SEMA3A: variants seen among roughly 807,000 people sequenced by gnomAD.
The protein encoded by SEMA3A is semaphorin-3A.
Under a neutral mutation model 97.9 loss-of-function variants are expected in SEMA3A, and 29 were observed. The observed-to-expected ratio is 0.30, with a 90% CI of 0.22 to 0.40. The LOEUF is 0.40. SEMA3A is among the 10% of genes least tolerant of loss of function. SEMA3A has a pLI of 1.00. For synonymous variants in SEMA3A, 321 were observed against 323.7 expected (o/e 0.99, Z 0.09); for missense variants, 763 against 951.3 (o/e 0.80, Z 2.60).
At chr7:84,152,536 C>T (rs1392965984) in intron 1 of SEMA3A, among the ~76,000 whole-genome samples, 1 of 114,782 alleles carries the variant, frequency 8.7e-6, no homozygotes, top group Non-Finnish European at 1.7e-5. Flanking sequence ...ACTCTGGGAA[C>T]TGTTGTGGGG....
In SEMA3A at chr7:84,087,863, AT is replaced by A. The variant is rs1198404684; in HGVS notation, c.453+22606del. Among the ~76,000 whole-genome samples, 3 of 151,974 alleles carry A rather than the reference AT, an allele frequency of 2.0e-5. No individual in the cohort carries two copies. In the East Asian group the frequency reaches 5.8e-4, roughly 29 times the overall value. On this transcript the variant is annotated intron_variant, in intron 4 of 16. Coordinates refer to ENST00000265362, the MANE Select transcript of SEMA3A (RefSeq NM_006080.3). The stretch of plus-strand genomic sequence containing the variant: ...TGTTGGCCTTCCTCTATGTTTTTGC[AT>A]TTTGTTTTACTCTTATTCCACTTTG...
intron 15 of SEMA3A, among the ~76,000 whole-genome samples, chr7:83,973,639 T>C (rs894411281): frequency 6.6e-6 from 1 of 152,144 alleles, no homozygotes; most frequent in African/African-American, 2.4e-5. Context: ...GATGGCATTG[T>C]CAAAGACATT....
intron 1 of SEMA3A, among the ~76,000 whole-genome samples, chr7:84,141,909 G>A (rs1163879082): frequency 3.3e-5 from 5 of 151,954 alleles, no homozygotes; most frequent in East Asian, 1.9e-4. Flanking sequence ...TATATGTACC[G>A]AATCAAAGAA....
chr7:84,108,071 A>C (rs118075746), intron 4 of SEMA3A, among the ~76,000 whole-genome samples: 6 of 152,258 alleles, frequency 3.9e-5, no homozygotes, highest in Admixed American at 6.5e-5. Flanking sequence ...CAAGGTATAG[A>C]CTTGCATTTT....
At chr7:84,055,446 G>A (rs932938878) in intron 5 of SEMA3A, among the ~76,000 whole-genome samples, 7 of 152,118 alleles carry the variant, frequency 4.6e-5, no homozygotes, top group Admixed American at 2.0e-4. Context: ...GGCAGTATTC[G>A]GGTGGGAGTG....
chr7:84,178,553 A>T (rs931022481), intron 1 of SEMA3A, among the ~76,000 whole-genome samples: 4 of 152,130 alleles, frequency 2.6e-5, no homozygotes, highest in African/African-American at 9.7e-5. Flanking sequence ...GTCAGACTTG[A>T]GCTCAAATCT....
Position 84,058,878 on chromosome 7 carries a change from C to T in SEMA3A, c.547+1587G>A, listed in dbSNP as rs1431188937. On this transcript the variant is annotated intron_variant, in intron 5 of 16. Transcript: ENST00000265362. ...ATATAAAACTAAAACTGTGGAGTTT[C>T]GTTTTCTTTGTGGACTTTGGGTGGT... Among the ~76,000 whole-genome samples, 6 of 152,078 alleles carry T rather than the reference C, an allele frequency of 3.9e-5. No individual in the cohort carries two copies. The East Asian group carries it at 5.8e-4, about 15-fold the overall frequency.
intron 6 of SEMA3A, among the ~76,000 whole-genome samples, chr7:84,025,755 T>C (rs1791522491): frequency 1.3e-5 from 2 of 152,164 alleles, no homozygotes; most frequent in Non-Finnish European, 2.9e-5. Context: ...ACCCTTTCCT[T>C]CTGTACTATC....
At chr7:84,091,007 C>T (rs139072934) in intron 4 of SEMA3A, among the ~76,000 whole-genome samples, 82 of 149,970 alleles carry the variant, frequency 5.5e-4, no homozygotes, top group African/African-American at 1.8e-3. Flanking sequence ...ACAGAGTTTG[C>T]AGTGAGCTGA....
chr7:84,455,896 C>T (rs1398399115), intron 1 of SEMA3A, among the ~76,000 whole-genome samples: 1 of 151,952 alleles, frequency 6.6e-6, no homozygotes, highest in Non-Finnish European at 1.5e-5. Context: ...AATATCTCTT[C>T]TTACCTACTT....
chr7:84,111,528 T>A (rs1458351367), intron 3 of SEMA3A, among the ~76,000 whole-genome samples: 1 of 152,212 alleles, frequency 6.6e-6, no homozygotes, highest in East Asian at 1.9e-4. Flanking sequence ...TTTAAGCAGA[T>A]TAATTGATAT....
intron 4 of SEMA3A, among the ~76,000 whole-genome samples, chr7:84,092,497 T>A (rs932435945): frequency 6.6e-6 from 1 of 152,148 alleles, no homozygotes; most frequent in African/African-American, 2.4e-5. Flanking sequence ...TTTCCAGGAA[T>A]AAAATGTAAA....
chr7:83,962,136 T>C (rs1392337622), intron 16 of SEMA3A, among the ~76,000 whole-genome samples: 1 of 152,062 alleles, frequency 6.6e-6, no homozygotes, highest in Non-Finnish European at 1.5e-5. Flanking sequence ...AAAGTAGGTA[T>C]ATAAATATAG....
At chr7:84,286,465 T>G (rs1210558477) in intron 3 of SEMA3A, among the ~76,000 whole-genome samples, 1 of 152,170 alleles carries the variant, frequency 6.6e-6, no homozygotes, top group Non-Finnish European at 1.5e-5. Context: ...ACAACAAATA[T>G]AAATATGAGT....
intron 3 of SEMA3A, among the ~76,000 whole-genome samples, chr7:84,222,745 T>C (rs1382390674): frequency 6.6e-6 from 1 of 151,902 alleles, no homozygotes; most frequent in Non-Finnish European, 1.5e-5. Context: ...TCAGCCTTAT[T>C]CATTTACCCA....
chr7:84,330,213 A>G (rs923932178), intron 2 of SEMA3A, among the ~76,000 whole-genome samples: 2 of 152,026 alleles, frequency 1.3e-5, no homozygotes, highest in Non-Finnish European at 2.9e-5. Flanking sequence ...ATTTTAACCT[A>G]TATAACAAAC....
chr7:84,270,803 C>T (rs1800128818), intron 3 of SEMA3A, among the ~76,000 whole-genome samples: 3 of 151,436 alleles, frequency 2.0e-5, no homozygotes, highest in Non-Finnish European at 4.4e-5. Context: ...GATTTTAAAA[C>T]AATTTAACAA....
chr7:84,457,762 T>C (rs1019964702), intron 1 of SEMA3A, among the ~76,000 whole-genome samples: 3 of 152,012 alleles, frequency 2.0e-5, no homozygotes, highest in African/African-American at 7.2e-5. Context: ...AATACATTTC[T>C]AACTATTCTT....
intron 1 of SEMA3A, among the ~76,000 whole-genome samples, chr7:84,448,806 CAT>C (rs1193611204): frequency 2.7e-4 from 41 of 151,244 alleles, no homozygotes; most frequent in Admixed American, 2.0e-3. Flanking sequence ...AAAAATCTAA[CAT>C]GTGCATGAAA....
Sources: allele counts gnomAD v4.1 joint callset (sites outside exome capture counted in the v4.1 genomes callset), GRCh38; gene constraint gnomAD v4.1.1; transcripts MANE v1.5; gene names NCBI Gene and HGNC (gene_info 2026-07-23, HGNC 2026-07-21).